ZNF148: variants seen among roughly 807,000 people sequenced by gnomAD.
ZNF148 encodes the protein zinc finger protein 148.
ZNF148 carries 7 observed loss-of-function variants against 67.7 expected under a neutral mutation model. That is an observed-to-expected ratio of 0.10 (90% CI 0.06 to 0.19). The LOEUF (loss-of-function observed/expected upper bound fraction) is 0.19. ZNF148 is among the 10% of genes least tolerant of loss of function. The pLI is 1.00. For missense variants in ZNF148, 583 were observed against 947.1 expected, an observed-to-expected ratio of 0.62 and a Z score of 5.05; for synonymous variants, 333 against 330.7, an observed-to-expected ratio of 1.01 and a Z score of -0.08.
chr3:125,364,067 A>G (rs553115892), intron 1 of ZNF148, among the ~76,000 whole-genome samples: 2 of 152,226 alleles, frequency 1.3e-5, no homozygotes, highest in African/African-American at 4.8e-5. Context: ...TCAAAAATCA[A>G]CACTGGTTCT....
At chr3:125,240,485 C>T (rs989380180) in intron 7 of ZNF148, among the ~76,000 whole-genome samples, 1 of 152,076 alleles carries the variant, frequency 6.6e-6, no homozygotes. Flanking sequence ...AAAAGTCAAC[C>T]AGGTGTGCTG....
At position 125,345,599 on chromosome 3, in the gene ZNF148, C is replaced by CAAA. The variant is rs143991806; in HGVS notation, c.-233-14364_-233-14362dup. Among the ~76,000 whole-genome samples the CAAA allele has an allele frequency of 2.8e-3, 424 of 151,196 alleles. 1 individual carries two copies. The highest frequency in any genetic ancestry group is 6.3e-3 in the African/African-American group (261 of 41,144). On this transcript the variant is annotated intron_variant, in intron 1 of 8. Transcript: ENST00000360647. ...TCAAAACTAACAACAACAACAACAA[C>CAAA]AAAAAAAGACAAACAGAAGACACAA...
chr3:125,332,866 C>T (rs555151415), intron 1 of ZNF148, among the ~76,000 whole-genome samples: 67 of 152,272 alleles, frequency 4.4e-4, no homozygotes, highest in African/African-American at 1.6e-3. Context: ...CATTGCACTG[C>T]TTGTTCACTA....
chr3:125,253,848 A>G (rs1023255987), intron 7 of ZNF148, among the ~76,000 whole-genome samples: 5 of 152,104 alleles, frequency 3.3e-5, no homozygotes, highest in African/African-American at 1.2e-4. Context: ...ACCCATGTTG[A>G]TAAGACAGAA....
rs184716402 is a variant in ZNF148 at position 125,340,861 on chromosome 3, G to A, written c.-233-9623C>T. 8.7e-3 allele frequency among the ~76,000 whole-genome samples: 1,307 copies of A among 150,304 alleles called. 11 individuals are homozygous for A. Among genetic ancestry groups the A allele is most frequent in the African/African-American group, 0.029 (1,208 of 41,172 alleles). On this transcript the variant is annotated intron_variant, in intron 1 of 8. Coordinates refer to ENST00000360647, the MANE Select transcript of ZNF148 (RefSeq NM_021964.3). ...AAATTAGCCGGGCGTAGTGGCGGGC[G>A]CCTGTAGTCCCAGCTACTTGGGAGG...
At chr3:125,240,108 A>G (rs1365497573) in intron 7 of ZNF148, among the ~76,000 whole-genome samples, 1 of 152,238 alleles carries the variant, frequency 6.6e-6, no homozygotes, top group Admixed American at 6.5e-5. Flanking sequence ...CAGTAACGTT[A>G]TTTTTAAATA....
chr3:125,303,547 G>A (rs1011996723), intron 4 of ZNF148, among the ~76,000 whole-genome samples: 3 of 152,160 alleles, frequency 2.0e-5, no homozygotes, highest in African/African-American at 4.8e-5. Flanking sequence ...AACTGCACAT[G>A]CAAGGGATCT....
intron 1 of ZNF148, among the ~76,000 whole-genome samples, chr3:125,356,695 A>C (rs1204991346): frequency 6.6e-6 from 1 of 152,206 alleles, no homozygotes; most frequent in African/African-American, 2.4e-5. Context: ...TATATAAAAC[A>C]AAAAGCTGTT....
At chr3:125,369,295 AGCCTAGAAAG>A (rs1942800561) in intron 1 of ZNF148, among the ~76,000 whole-genome samples, 2 of 139,264 alleles carry the variant, frequency 1.4e-5, no homozygotes, top group African/African-American at 2.7e-5. Flanking sequence ...AAGCCATAGA[AGCCTAGAAAG>A]AACATTCTAG....
At chr3:125,313,755 A>C in intron 3 of ZNF148, 99 bp from the exon 4 acceptor site, 4 of 974,536 alleles carry the variant, frequency 4.1e-6, no homozygotes, top group Non-Finnish European at 5.9e-6. Flanking sequence ...TCAAATACAA[A>C]GATTTTATTG....
chr3:125,317,783 G>T (rs1940591713), intron 3 of ZNF148, among the ~76,000 whole-genome samples: 1 of 149,464 alleles, frequency 6.7e-6, no homozygotes, highest in Non-Finnish European at 1.5e-5. Context: ...TCTTCATGAA[G>T]AAGACTAATT....
intron 1 of ZNF148, among the ~76,000 whole-genome samples, chr3:125,345,152 C>A (rs1440333413): frequency 3.9e-5 from 6 of 151,948 alleles, no homozygotes; most frequent in Admixed American, 3.3e-4. Flanking sequence ...TTCACCAAGG[C>A]CATAAAACAA....
intron 7 of ZNF148, among the ~76,000 whole-genome samples, chr3:125,252,766 C>CAA (rs35108764): frequency 3.2e-5 from 4 of 123,856 alleles, no homozygotes; most frequent in Admixed American, 1.7e-4. Context: ...GACTCTGTCT[C>CAA]AAAAAAAAAA....
intron 1 of ZNF148, among the ~76,000 whole-genome samples, chr3:125,355,372 A>T (rs1296697116): frequency 1.3e-5 from 2 of 152,132 alleles, no homozygotes; most frequent in Admixed American, 6.5e-5. Flanking sequence ...TGTCATATGC[A>T]TTGTAGGAGG....
intron 1 of ZNF148, chr3:125,344,711 C>T: frequency 1.7e-6 from 1 of 604,278 alleles, no homozygotes; most frequent in Admixed American, 2.2e-5. Flanking sequence ...CTGGGTGCCA[C>T]TTCAGTGCCA....
chr3:125,255,437 G>T (rs902910815), intron 7 of ZNF148, among the ~76,000 whole-genome samples: 6 of 151,778 alleles, frequency 4.0e-5, no homozygotes, highest in Admixed American at 3.9e-4. Context: ...AGTAGAGACG[G>T]GGTTTCCCCA....
At chr3:125,257,321 G>A (rs939323727) in intron 7 of ZNF148, among the ~76,000 whole-genome samples, 9 of 152,080 alleles carry the variant, frequency 5.9e-5, no homozygotes, top group Admixed American at 5.9e-4. Context: ...GGAGGCCAAG[G>A]TGGGCAGATC....
chr3:125,290,527 A>T (rs1456197626), intron 4 of ZNF148, among the ~76,000 whole-genome samples: 2 of 152,138 alleles, frequency 1.3e-5, no homozygotes, highest in Non-Finnish European at 2.9e-5. Context: ...GTACATGTAT[A>T]CTGTTTTGAT....
At chr3:125,344,505 A>C in intron 1 of ZNF148, 1 of 1,148,148 alleles carries the variant, frequency 8.7e-7, no homozygotes, top group Non-Finnish European at 1.3e-6. Context: ...TGAAGACATC[A>C]TCTGGGTTAC....
Sources: allele counts gnomAD v4.1 joint callset (sites outside exome capture counted in the v4.1 genomes callset), GRCh38; gene constraint gnomAD v4.1.1; transcripts MANE v1.5; gene names NCBI Gene and HGNC (gene_info 2026-07-23, HGNC 2026-07-21).